The following MSH3 variants were observed in gnomAD, a reference collection of about 807,000 sequenced individuals.
The protein encoded by MSH3 is DNA mismatch repair protein Msh3.
Under a neutral mutation model 123.3 loss-of-function variants are expected in MSH3, and 106 were observed. That is an observed-to-expected ratio of 0.86 (90% confidence interval 0.73 to 1.01). The LOEUF is 1.01. Among genes scored for constraint, MSH3 ranks in the 50% least tolerant of loss-of-function variants. The probability of loss-of-function intolerance (pLI) is 0.00; values close to 1 mark genes in which losing one functional copy is unlikely to be tolerated. For synonymous variants in MSH3, 515 were observed against 481.4 expected, an observed-to-expected ratio of 1.07 and a Z score of -0.91; for missense variants, 1,459 against 1,347.6, an observed-to-expected ratio of 1.08 and a Z score of -1.29.
intron 22 of MSH3, among the ~76,000 whole-genome samples, chr5:80,867,414 A>G (rs893296586): frequency 5.3e-5 from 8 of 152,198 alleles, no homozygotes; most frequent in African/African-American, 1.9e-4. Context: ...GCCTTCCAGT[A>G]TCTCATGATT....
chr5:80,787,589 C>A lies in MSH3; in HGVS notation c.2460C>A (p.Ser820=). 1 of 1,613,720 alleles carries A rather than the reference C, an allele frequency of 6.2e-7. No homozygotes were observed. Among genetic ancestry groups the A allele is most frequent in the South Asian group, 1.1e-5 (1 of 91,080 alleles). The change falls in exon 18 of 24, where the codon TCC becomes TCA. Residue 820 remains serine (S), a synonymous_variant. Coordinates refer to ENST00000265081, the MANE Select transcript of MSH3 (RefSeq NM_002439.5). ...FLEKFSEHYH[S]LCKAVHHLAT... is the part of the protein sequence containing the mutation. ...GGAAATTCAGTGAACATTATCACTC[C>A]TTGTGTAAAGCAGTGCATCACCTAG...
At chr5:80,679,322 C>T (rs371071854) in intron 8 of MSH3, among the ~76,000 whole-genome samples, 2 of 152,048 alleles carry the variant, frequency 1.3e-5, no homozygotes, top group South Asian at 2.1e-4. Context: ...GCTTGAGCCC[C>T]GGAATCTGAG....
Position 80,779,550 on chromosome 5 carries a change from ATT to A in MSH3, c.2435+731_2435+732del, listed in dbSNP as rs750366394. ...TTACATCTAAAAAAAATTAACATTAATTTTTTTTTTTTTTTTTTGAGGTGGAG... is the reference window on the plus strand; with the variant it reads ...TTACATCTAAAAAAAATTAACATTAATTTTTTTTTTTTTTTTGAGGTGGAG... On this transcript the variant is annotated intron_variant, in intron 17 of 23. Coordinates refer to ENST00000265081, the MANE Select transcript of MSH3 (RefSeq NM_002439.5). Among the ~76,000 whole-genome samples the A allele has an allele frequency of 5.6e-3, 776 of 138,128 alleles. 6 individuals are homozygous for A. The highest frequency in any genetic ancestry group is 0.04 in the South Asian group (171 of 4,328). 90.6% of individuals were successfully genotyped at this position (138,128 alleles called of 152,430 possible).
intron 20 of MSH3, among the ~76,000 whole-genome samples, chr5:80,828,565 G>A (rs1034322826): frequency 3.3e-5 from 5 of 152,088 alleles, no homozygotes; most frequent in Admixed American, 6.5e-5. Context: ...GAGTCTCATC[G>A]AATCAGATGT....
chr5:80,795,119 G>A (rs560005584), intron 19 of MSH3, among the ~76,000 whole-genome samples: 1 of 152,298 alleles, frequency 6.6e-6, no homozygotes, highest in African/African-American at 2.4e-5. Flanking sequence ...GTAGCGAGCT[G>A]GGACTGTAAC....
In MSH3 at chr5:80,654,875, GGCGCTGCAGCGGCTGCA is replaced by G; in HGVS notation, c.152_168del (p.Ala51GlyfsTer28). ...AGGTGCAGCCGACCAGGTGGACCCT[GGCGCTGCAGCGGCTGCA>G]GCGGCCGCAGCGGCCGCAGCGCCCC... On this transcript the variant is annotated frameshift_variant, in exon 1 of 24. Coordinates refer to ENST00000265081, the MANE Select transcript of MSH3 (RefSeq NM_002439.5). LOFTEE classifies it high-confidence loss of function. 1.9e-6 allele frequency: 3 copies of G among 1,597,646 alleles called. No homozygotes were observed. The highest frequency in any genetic ancestry group is 2.6e-6 in the Non-Finnish European group (3 of 1,173,520).
intron 8 of MSH3, 68 bp from the exon 9 acceptor site, chr5:80,725,385 A>G (rs1055233152): frequency 5.5e-5 from 58 of 1,046,766 alleles, no homozygotes; most frequent in East Asian, 9.6e-5. Flanking sequence ...TCTTCTGGCC[A>G]AGACCTAAAT....
At chr5:80,843,022 A>G (rs939382741) in intron 20 of MSH3, among the ~76,000 whole-genome samples, 2 of 152,118 alleles carry the variant, frequency 1.3e-5, no homozygotes, top group Admixed American at 1.3e-4. Flanking sequence ...CCCATTCAGT[A>G]TGATATTGGC....
intron 1 of MSH3, chr5:80,655,527 A>G (rs1445906974): frequency 5.1e-6 from 1 of 195,034 alleles, no homozygotes; most frequent in African/African-American, 2.3e-5. Flanking sequence ...TTAGGATGGT[A>G]TAGATGTGAC....
At chr5:80,702,327 A>C (rs539014547) in intron 8 of MSH3, among the ~76,000 whole-genome samples, 1 of 152,260 alleles carries the variant, frequency 6.6e-6, no homozygotes, top group South Asian at 2.1e-4. Flanking sequence ...ATGTGGGTGT[A>C]CTGGGTTGTC....
intron 8 of MSH3, among the ~76,000 whole-genome samples, chr5:80,704,412 G>A (rs1278220198): frequency 6.6e-6 from 1 of 152,222 alleles, no homozygotes; most frequent in Non-Finnish European, 1.5e-5. Context: ...AACCTCAAAA[G>A]TGGAATGCAT....
At chr5:80,661,583 CAT>C (rs1749435480) in intron 2 of MSH3, among the ~76,000 whole-genome samples, 1 of 152,040 alleles carries the variant, frequency 6.6e-6, no homozygotes, top group Admixed American at 6.5e-5. Flanking sequence ...TCTTTTTGCT[CAT>C]GTTTTCCTTT....
At chr5:80,695,478 G>A (rs1235796949) in intron 8 of MSH3, among the ~76,000 whole-genome samples, 1 of 151,964 alleles carries the variant, frequency 6.6e-6, no homozygotes, top group African/African-American at 2.4e-5. Context: ...GGTATTATAG[G>A]CGCCTGCCAC....
chr5:80,761,494 A>G (rs1744031879), intron 12 of MSH3, 52 bp from the exon 13 acceptor site: 7 of 1,606,398 alleles, frequency 4.4e-6, no homozygotes, highest in South Asian at 2.2e-5. Flanking sequence ...GGAAATGTCT[A>G]TATTCTGAAT....
chr5:80,821,355 A>C (rs1057245504), intron 20 of MSH3, among the ~76,000 whole-genome samples: 2 of 152,226 alleles, frequency 1.3e-5, no homozygotes, highest in African/African-American at 4.8e-5. Flanking sequence ...TGCCCCACTC[A>C]GGATGGCAGT....
chr5:80,730,894 A>ATTTTTTTTTTTTTTTTTTTTTT (rs59224150), intron 10 of MSH3, among the ~76,000 whole-genome samples: 1 of 127,780 alleles, frequency 7.8e-6, no homozygotes. Flanking sequence ...ATATATATAT[A>ATTTTTTTTTTTTTTTTTTTTTT]TTTTTTTTTT....
At chr5:80,683,158 A>T (rs1486706665) in intron 8 of MSH3, among the ~76,000 whole-genome samples, 3 of 152,242 alleles carry the variant, frequency 2.0e-5, no homozygotes, top group African/African-American at 7.2e-5. Flanking sequence ...ATAGTGCTGT[A>T]GTAAACATGG....
At chr5:80,822,913 G>A (rs1354163496) in intron 20 of MSH3, among the ~76,000 whole-genome samples, 1 of 152,178 alleles carries the variant, frequency 6.6e-6, no homozygotes, top group African/African-American at 2.4e-5. Flanking sequence ...CAATCACTGT[G>A]TGAAAGAACA....
In MSH3 at chr5:80,684,376, A is replaced by G. The variant is rs555892836; in HGVS notation, c.1340+5283A>G. On this transcript the variant is annotated intron_variant, in intron 8 of 23. Coordinates refer to ENST00000265081, the MANE Select transcript of MSH3 (RefSeq NM_002439.5). ...TTTACATCAGTGTTTTATAGTTTTC[A>G]TTGTAGAGATCTTTCACTTCTTTGG... 2.6e-5 allele frequency among the ~76,000 whole-genome samples: 4 copies of G among 152,090 alleles called. No homozygotes were observed. The East Asian group carries it at 5.8e-4, about 22-fold the overall frequency.
Sources: gnomAD v4.1 joint callset for allele counts (sites outside exome capture counted in the v4.1 genomes callset) on GRCh38, gnomAD v4.1.1 for gene constraint, MANE v1.5 for transcripts, NCBI Gene and HGNC (gene_info 2026-07-23, HGNC 2026-07-21) for gene names.